The following DSC2 variants were observed in gnomAD, a reference collection of about 807,000 sequenced individuals.
The protein encoded by DSC2 is desmocollin-2.
DSC2 carries 51 observed loss-of-function variants against 87.6 expected under a neutral mutation model. The ratio of observed to expected loss-of-function variants is 0.58; its 90% CI spans 0.46 to 0.74. The LOEUF is 0.74. Among genes scored for constraint, DSC2 ranks in the 30% least tolerant of loss-of-function variants. The pLI, the probability that DSC2 is intolerant of heterozygous loss-of-function variation, is 0.00. For missense variants in DSC2, 1,066 were observed against 1,089.5 expected, an observed-to-expected ratio of 0.98 and a Z score of 0.30; for synonymous variants, 383 against 393.2, an observed-to-expected ratio of 0.97 and a Z score of 0.31.
In DSC2 at chr18:31,070,782, A is replaced by G; in HGVS notation, c.2194T>C (p.Leu732=). The G allele has an allele frequency of 1.2e-6, 2 of 1,613,992 alleles. No homozygotes were observed. Among genetic ancestry groups the G allele is most frequent in the African/African-American group, 2.7e-5 (2 of 75,050 alleles). The change falls in exon 14 of 16, where the codon TTA becomes CTA. Residue 732 remains leucine (L), a synonymous_variant. Transcript: ENST00000280904. ...GATACAATTAGGTTCTGCTGGGCTA[A>G]ATCATCAGGAATTACTTTTGGTTGT... is the stretch of plus-strand genomic sequence containing the variant. ...SKQPKVIPDD[L]AQQNLIVSNT...
At position 31,086,580 on chromosome 18, in the gene DSC2, C is replaced by G. The variant is rs1193813686; in HGVS notation, c.938G>C (p.Arg313Thr). ...VITTTSSQLDRELIDKYQLKI... is the reference protein window; with the variant it reads ...VITTTSSQLDTELIDKYQLKI... ...TTTTATTAATGTTTATGTTACCTCT[C>G]TGTCTAGCTGAGATGATGTTGTGGT... Residue 313 changes from arginine to threonine, a missense_variant, in exon 7 of 16, where the codon AGA (arginine) becomes ACA (threonine). Arg to Thr is a moderately conservative substitution (Grantham distance 71). Coordinates refer to ENST00000280904, the MANE Select transcript of DSC2 (RefSeq NM_024422.6). 6.2e-7 allele frequency: 1 copy of G among 1,613,994 alleles called. No individual in the cohort carries two copies. Among genetic ancestry groups the G allele is most frequent in the African/African-American group, 1.3e-5 (1 of 74,914 alleles).
Position 31,093,551 on chromosome 18 carries a change from T to G in DSC2, c.154+8A>C. The G allele has an allele frequency of 6.3e-7, 1 of 1,599,906 alleles. No individual in the cohort carries two copies. Among genetic ancestry groups the G allele is most frequent in the Non-Finnish European group, 8.5e-7 (1 of 1,170,152 alleles). ...CAGGATTTATTACAAATTTTAGGGCTTCCTTACCTCTACCAACAAGTTTCT... is the reference window on the plus strand; with the variant it reads ...CAGGATTTATTACAAATTTTAGGGCGTCCTTACCTCTACCAACAAGTTTCT... On this transcript the variant is annotated splice_region_variant and intron_variant, in intron 2 of 15. Coordinates refer to ENST00000280904, the MANE Select transcript of DSC2 (RefSeq NM_024422.6).
chr18:31,091,838 G>A (rs1321609631), intron 3 of DSC2, among the ~76,000 whole-genome samples: 1 of 152,012 alleles, frequency 6.6e-6, no homozygotes, highest in East Asian at 1.9e-4. Context: ...AAAAAAAAAT[G>A]CTGCTTTGTG....
chr18:31,099,913 G>C (rs1332844762), intron 1 of DSC2, among the ~76,000 whole-genome samples: 2 of 152,108 alleles, frequency 1.3e-5, no homozygotes, highest in Non-Finnish European at 2.9e-5. Context: ...CTGTCACCAA[G>C]GCTGGGATGC....
chr18:31,093,685 AG>A (rs1852973564), intron 1 of DSC2, 42 bp from the exon 2 acceptor site: 1 of 1,330,792 alleles, frequency 7.5e-7, no homozygotes, highest in Non-Finnish European at 1.0e-6. Context: ...ATGCATAAAA[AG>A]AAAACTTTAA....
At chr18:31,100,686 G>A (rs1470464654) in intron 1 of DSC2, among the ~76,000 whole-genome samples, 3 of 152,284 alleles carry the variant, frequency 2.0e-5, no homozygotes, top group East Asian at 3.9e-4. Flanking sequence ...CGGAAGAGAA[G>A]GGGAAATTAT....
At position 31,092,169 on chromosome 18, in the gene DSC2, T is replaced by C. The variant is rs772447450; in HGVS notation, c.286A>G (p.Ile96Val). ...TGGTTCTCAGTGTTGGAAAGTAATA[T>C]GGTAAAACTTCTCTTCTCCGAGGAC... is the stretch of plus-strand genomic sequence containing the variant. ...LLSSEKRSFTILLSNTENQEK... is the reference protein window; with the variant it reads ...LLSSEKRSFTVLLSNTENQEK... The change falls in exon 3 of 16, where the codon ATA becomes GTA. Residue 96 changes from isoleucine to valine, a missense_variant. Ile to Val is a conservative substitution (Grantham distance 29, BLOSUM62 3). Coordinates refer to ENST00000280904, the MANE Select transcript of DSC2 (RefSeq NM_024422.6). 45 of 1,613,488 alleles carry C rather than the reference T, an allele frequency of 2.8e-5. No homozygotes were observed. The highest frequency in any genetic ancestry group is 5.0e-5 in the Admixed American group (3 of 59,974).
At chr18:31,090,930 AT>A in intron 4 of DSC2, 97 bp downstream of exon 4, 1 of 1,527,598 alleles carries the variant, frequency 6.5e-7, no homozygotes, top group Non-Finnish European at 9.0e-7. Context: ...TCACTCACAT[AT>A]TTATACACAA....
At chr18:31,085,445 CAT>C (rs1479723755) in intron 7 of DSC2, among the ~76,000 whole-genome samples, 4 of 151,308 alleles carry the variant, frequency 2.6e-5, no homozygotes, top group Admixed American at 2.6e-4. Context: ...TAACTGTTAA[CAT>C]GTAATTAATT....
At chr18:31,084,925 C>A (rs1041284277) in intron 7 of DSC2, among the ~76,000 whole-genome samples, 3 of 151,996 alleles carry the variant, frequency 2.0e-5, no homozygotes, top group African/African-American at 7.2e-5. Flanking sequence ...TATTTGGAAG[C>A]TCTGCATTAC....
intron 7 of DSC2, among the ~76,000 whole-genome samples, chr18:31,084,797 A>G (rs117130399): frequency 3.5e-3 from 532 of 152,256 alleles, no homozygotes; most frequent in Non-Finnish European, 5.4e-3. Flanking sequence ...TTTGTTGCCA[A>G]TGATAAATTG....
chr18:31,075,476 G>C (rs1448155475), intron 11 of DSC2, among the ~76,000 whole-genome samples: 1 of 152,200 alleles, frequency 6.6e-6, no homozygotes, highest in Non-Finnish European at 1.5e-5. Flanking sequence ...AAGACTCCAG[G>C]AGTAGAAAAT....
At position 31,059,497 on chromosome 18, in the gene DSC2, T is replaced by C. The variant is rs995203120; in HGVS notation, c.*8518A>G. On this transcript the variant is annotated 3_prime_UTR_variant, in exon 16 of 16. Coordinates refer to ENST00000280904, the MANE Select transcript of DSC2 (RefSeq NM_024422.6). ...TATAATATGTTCAGTGAAAACTTTA[T>C]TTATTAAAGCTAAGATGAAAAGGCT... 6.6e-6 allele frequency: 1 copy of C among 152,232 alleles called. No homozygotes were observed. Among genetic ancestry groups the C allele is most frequent in the African/African-American group, 2.4e-5 (1 of 41,468 alleles). The allele number at this position is 152,232 out of a possible 1,614,324, so 9.4% of individuals were successfully genotyped here.
At position 31,082,027 on chromosome 18, in the gene DSC2, T is replaced by C. The variant is rs55708837; in HGVS notation, c.1263+211A>G. 0.013 allele frequency among the ~76,000 whole-genome samples: 1,901 copies of C among 151,422 alleles called. 15 individuals are homozygous for C. The highest frequency in any genetic ancestry group is 0.023 in the South Asian group (112 of 4,810). ...TATTGGTTACAAAATAGATATTGTA[T>C]TATATGGACTTTTTAAAAAAAAAAA... On this transcript the variant is annotated intron_variant, in intron 9 of 15. Coordinates refer to ENST00000280904, the MANE Select transcript of DSC2 (RefSeq NM_024422.6).
rs527967428 is a variant in DSC2, at chr18:31,065,286, C to G, written c.*2729G>C. 6.6e-5 allele frequency: 10 copies of G among 152,306 alleles called. No homozygotes were observed. The East Asian group carries it at 1.9e-3, about 29-fold the overall frequency. 9.4% of individuals were successfully genotyped at this position (152,306 alleles called of 1,614,324 possible). On this transcript the variant is annotated 3_prime_UTR_variant, in exon 16 of 16. Coordinates refer to ENST00000280904, the MANE Select transcript of DSC2 (RefSeq NM_024422.6). ...TCATGGCAAGATGTCAGCAGTAAAGCAGAGTGGAGACTGAAGCTAAATTGT... is the reference window on the plus strand; with the variant it reads ...TCATGGCAAGATGTCAGCAGTAAAGGAGAGTGGAGACTGAAGCTAAATTGT...
chr18:31,091,131 TGTC>T lies in DSC2; in HGVS notation c.368_370del (p.Arg123_His124delinsAsn), dbSNP rs749960184. 6.2e-7 allele frequency: 1 copy of T among 1,614,026 alleles called. No homozygotes were observed. Among genetic ancestry groups the T allele is most frequent in the Admixed American group, 1.7e-5 (1 of 59,996 alleles). On this transcript the variant is annotated inframe_deletion, in exon 4 of 16. Transcript: ENST00000280904. ...GCGCCTTAGAACTTTTTCTTTAGTATGTCTTTTCTTTAGGACCTCAATTCATAA... is the reference window on the plus strand; with the variant it reads ...GCGCCTTAGAACTTTTTCTTTAGTATTTTTCTTTAGGACCTCAATTCATAA...
chr18:31,093,568 C>A lies in DSC2; in HGVS notation c.145G>T (p.Val49Phe), dbSNP rs1484062748. Residue 49 changes from valine (V) to phenylalanine (F), a missense_variant, in exon 2 of 16, where the codon GTT becomes TTT. By Grantham distance (50) the Val-to-Phe change is conservative. Coordinates refer to ENST00000280904, the MANE Select transcript of DSC2 (RefSeq NM_024422.6). ...TTTAGGGCTTCCTTACCTCTACCAA[C>A]AAGTTTCTCGGCATCTAGTTTGGAG... ...VPSKLDAEKL[V>F]GRVNLKECFT... is the part of the protein sequence containing the mutation. 1.9e-6 allele frequency: 3 copies of A among 1,605,688 alleles called. No individual in the cohort carries two copies. The Admixed American group carries it at 5.0e-5, about 27-fold the overall frequency.
At position 31,062,889 on chromosome 18, in the gene DSC2, G is replaced by A. The variant is rs950441869; in HGVS notation, c.*5126C>T. ...GTTCTAGTCATTCAATGTCTTCTGA[G>A]GAAAAACAATTCAGTGCAGAATCTA... On this transcript the variant is annotated 3_prime_UTR_variant, in exon 16 of 16. Transcript: ENST00000280904. 1 of 152,054 alleles carries A rather than the reference G, an allele frequency of 6.6e-6. No homozygotes were observed. Among genetic ancestry groups the A allele is most frequent in the Non-Finnish European group, 1.5e-5 (1 of 68,022 alleles). 9.4% of individuals were successfully genotyped at this position (152,054 alleles called of 1,614,324 possible).
intron 7 of DSC2, 30 bp from the exon 8 acceptor site, chr18:31,083,090 G>A: frequency 1.9e-6 from 3 of 1,600,740 alleles, no homozygotes; most frequent in Admixed American, 1.7e-5. Context: ...TTAATTATTG[G>A]GGGAAAGCAC....
Sources: allele counts gnomAD v4.1 joint callset (sites outside exome capture counted in the v4.1 genomes callset), GRCh38; gene constraint gnomAD v4.1.1; transcripts MANE v1.5; gene names NCBI Gene and HGNC (gene_info 2026-07-23, HGNC 2026-07-21).